The following SKAP2 variants were observed in gnomAD, a reference collection of about 807,000 sequenced individuals.
SKAP2 encodes src kinase-associated phosphoprotein 2.
Under a neutral mutation model 54.9 loss-of-function variants are expected in SKAP2, and 28 were observed. The ratio of observed to expected loss-of-function variants is 0.51; its 90% confidence interval spans 0.38 to 0.70. The LOEUF (loss-of-function observed/expected upper bound fraction) is 0.70. Among genes scored for constraint, SKAP2 ranks in the 30% least tolerant of loss-of-function variants. SKAP2 has a pLI of 0.00. For synonymous variants in SKAP2, 137 were observed against 134.3 expected (o/e 1.02, Z -0.14); for missense variants, 356 against 424.1 (o/e 0.84, Z 1.41).
In SKAP2 at chr7:26,855,544, C is replaced by A. The variant is rs534164532; in HGVS notation, c.68-654G>T. Reference sequence around the variant, plus strand: ...TTGCTTCTTGCCTTGGTATTACCACCTGAAATATTTCTTAAGGAAGAAGTA... The same window carrying A: ...TTGCTTCTTGCCTTGGTATTACCACATGAAATATTTCTTAAGGAAGAAGTA... On this transcript the variant is annotated intron_variant, in intron 1 of 12. Transcript: ENST00000345317. 2.0e-5 allele frequency among the ~76,000 whole-genome samples: 3 copies of A among 152,168 alleles called. No homozygotes were observed. The East Asian group carries it at 5.8e-4, about 29-fold the overall frequency.
downstream of SKAP2, among the ~76,000 whole-genome samples, chr7:26,663,178 G>GA (rs1786044842): frequency 6.6e-6 from 1 of 152,198 alleles, no homozygotes; most frequent in Non-Finnish European, 1.5e-5. Flanking sequence ...AATACCCTTT[G>GA]AAAATAGAAC....
intron 4 of SKAP2, among the ~76,000 whole-genome samples, chr7:26,777,718 A>G (rs1477799121): frequency 6.6e-6 from 1 of 152,158 alleles, no homozygotes; most frequent in Non-Finnish European, 1.5e-5. Flanking sequence ...TGATGGTAAC[A>G]ATATATCACA....
intron 4 of SKAP2, among the ~76,000 whole-genome samples, chr7:26,746,357 G>T (rs2127964380): frequency 6.6e-6 from 1 of 152,302 alleles, no homozygotes; most frequent in South Asian, 2.1e-4. Flanking sequence ...ATGCAGGGAT[G>T]CAGACACTTT....
At chr7:26,847,025 G>A (rs10252268) in intron 3 of SKAP2, among the ~76,000 whole-genome samples, 12,098 of 151,968 alleles carry the variant, frequency 0.08, 573 homozygotes, top group Middle Eastern at 0.16. Flanking sequence ...ACGCTTTTGG[G>A]TTATATATTA....
rs369317261 is a variant in SKAP2 at position 26,668,662 on chromosome 7, G to GTTTTTTTTTTTTTTTTT, written c.*987_*1003dup. 2.4e-5 allele frequency: 3 copies of GTTTTTTTTTTTTTTTTT among 122,994 alleles called. No individual in the cohort carries two copies. The highest frequency in any genetic ancestry group is 3.3e-5 in the Non-Finnish European group (2 of 60,384). The allele number at this position is 122,994 out of a possible 1,614,324, so 7.6% of individuals were successfully genotyped here. ...TACTTTGAGAATACACTGAGATTCT[G>GTTTTTTTTTTTTTTTTT]TTTTTTTTTTTTTTTTTTTCTGAGA... On this transcript the variant is annotated 3_prime_UTR_variant, in exon 13 of 13. Coordinates refer to ENST00000345317, the MANE Select transcript of SKAP2 (RefSeq NM_003930.5).
At chr7:26,671,495 T>C (rs541099820) in intron 11 of SKAP2, among the ~76,000 whole-genome samples, 35 of 152,176 alleles carry the variant, frequency 2.3e-4, no homozygotes, top group Non-Finnish European at 4.4e-4. Flanking sequence ...CGTGTATGTA[T>C]TGATATGTAG....
At chr7:26,725,685 T>C in intron 8 of SKAP2, 120 bp from the exon 9 acceptor site, 1 of 1,041,020 alleles carries the variant, frequency 9.6e-7, no homozygotes, top group Admixed American at 2.8e-5. Context: ...TGTTATGTCC[T>C]TAACTAAAAA....
rs534450612 is a variant in SKAP2 at position 26,727,571 on chromosome 7, T to C, written c.470-565A>G. ...AAAGATGTGAAGGAAAAAAAAACTATGTGGATAAAGAAGAGTGGTAAAGCA... is the reference window on the plus strand; with the variant it reads ...AAAGATGTGAAGGAAAAAAAAACTACGTGGATAAAGAAGAGTGGTAAAGCA... On this transcript the variant is annotated intron_variant, in intron 6 of 12. Coordinates refer to ENST00000345317, the MANE Select transcript of SKAP2 (RefSeq NM_003930.5). 2.6e-5 allele frequency among the ~76,000 whole-genome samples: 4 copies of C among 152,110 alleles called. No homozygotes were observed. The East Asian group carries it at 5.8e-4, about 22-fold the overall frequency.
Position 26,851,180 on chromosome 7 carries a change from A to G in SKAP2, c.199+2957T>C, listed in dbSNP as rs190980718. ...CATGCCTGTGATCCATCACTTTGGG[A>G]GGCTGAGGCAGCTGATCTCTTTAGC... On this transcript the variant is annotated intron_variant, in intron 3 of 12. Transcript: ENST00000345317. Among the ~76,000 whole-genome samples, 225 of 148,232 alleles carry G rather than the reference A, an allele frequency of 1.5e-3. 1 individual carries two copies. The highest frequency in any genetic ancestry group is 5.4e-3 in the African/African-American group (216 of 40,316).
At chr7:26,801,053 G>GA (rs1347730101) in intron 4 of SKAP2, among the ~76,000 whole-genome samples, 7 of 149,820 alleles carry the variant, frequency 4.7e-5, no homozygotes, top group African/African-American at 9.8e-5. Context: ...AAGAAAGAAA[G>GA]AAAAAAAAAT....
intron 4 of SKAP2, among the ~76,000 whole-genome samples, chr7:26,777,116 T>C (rs1326799443): frequency 6.6e-6 from 1 of 152,144 alleles, no homozygotes. Context: ...ATGTTAAATG[T>C]CTGAAAATAT....
chr7:26,796,825 T>C (rs1467489115), intron 4 of SKAP2, among the ~76,000 whole-genome samples: 1 of 152,250 alleles, frequency 6.6e-6, no homozygotes, highest in Non-Finnish European at 1.5e-5. Context: ...AGGCTATTAG[T>C]AGTTAGTTTT....
At chr7:26,742,497 T>C (rs1782474957) in intron 4 of SKAP2, 1 of 152,146 alleles carries the variant, frequency 6.6e-6, no homozygotes, top group Non-Finnish European at 1.5e-5. Flanking sequence ...CTGAGTCTTT[T>C]GCTTTAAGAA....
At chr7:26,823,740 A>T (rs1784431481) in intron 4 of SKAP2, among the ~76,000 whole-genome samples, 1 of 152,224 alleles carries the variant, frequency 6.6e-6, no homozygotes, top group African/African-American at 2.4e-5. Context: ...GGGGTGCAGG[A>T]CATCAATGGA....
In SKAP2 at chr7:26,668,867, T is replaced by C. The variant is rs1417248502; in HGVS notation, c.*799A>G. ...GAGACAGGGTTTCACCATGTTGGCC[T>C]GGCTGGGAGATTCTTTATACCATTT... On this transcript the variant is annotated 3_prime_UTR_variant, in exon 13 of 13. Transcript: ENST00000345317. 6.6e-6 allele frequency: 1 copy of C among 151,986 alleles called. No individual in the cohort carries two copies. The highest frequency in any genetic ancestry group is 1.5e-5 in the Non-Finnish European group (1 of 67,974). The allele number at this position is 151,986 out of a possible 1,614,324, so 9.4% of individuals were successfully genotyped here.
intron 9 of SKAP2, among the ~76,000 whole-genome samples, chr7:26,699,157 T>A (rs1786966865): frequency 6.6e-6 from 1 of 152,224 alleles, no homozygotes; most frequent in Admixed American, 6.5e-5. Context: ...GATTCCACAT[T>A]GTACCAGCTT....
At chr7:26,814,563 CAAAAA>C (rs397889100) in intron 4 of SKAP2, among the ~76,000 whole-genome samples, 9 of 90,190 alleles carry the variant, frequency 1.0e-4, no homozygotes, top group Non-Finnish European at 1.4e-4. Flanking sequence ...CTTACACCAG[CAAAAA>C]AAAAAAAAAA....
chr7:26,711,106 A>G (rs1787291079), intron 9 of SKAP2, among the ~76,000 whole-genome samples: 2 of 152,238 alleles, frequency 1.3e-5, no homozygotes, highest in Admixed American at 1.3e-4. Context: ...TACTATATTT[A>G]TACCAATGCT....
intron 4 of SKAP2, among the ~76,000 whole-genome samples, chr7:26,842,136 T>C (rs373212348): frequency 7.3e-4 from 111 of 151,696 alleles, no homozygotes; most frequent in Admixed American, 2.0e-3. Context: ...TAGAAGAAAA[T>C]GTGAAAGTAT....
Sources: allele counts gnomAD v4.1 joint callset (sites outside exome capture counted in the v4.1 genomes callset), GRCh38; gene constraint gnomAD v4.1.1; transcripts MANE v1.5; gene names NCBI Gene and HGNC (gene_info 2026-07-23, HGNC 2026-07-21).